AGBL4: variants seen among roughly 807,000 people sequenced by gnomAD.
The protein encoded by AGBL4 is AGBL carboxypeptidase 4, also known as cytosolic carboxypeptidase 6.
Under a neutral mutation model 66.4 loss-of-function variants are expected in AGBL4, and 58 were observed. The ratio of observed to expected loss-of-function variants is 0.87; its 90% CI spans 0.71 to 1.09. The LOEUF is 1.09. Among genes scored for constraint, AGBL4 ranks in the 50% least tolerant of loss-of-function variants. The pLI is 0.00. For synonymous variants in AGBL4, 234 were observed against 222.9 expected, an observed-to-expected ratio of 1.05 and a Z score of -0.44; for missense variants, 579 against 631.0, an observed-to-expected ratio of 0.92 and a Z score of 0.88.
intron 3 of AGBL4, among the ~76,000 whole-genome samples, chr1:49,329,260 T>G (rs1357959353): frequency 6.6e-6 from 1 of 151,966 alleles, no homozygotes; most frequent in Admixed American, 6.6e-5. Flanking sequence ...TGAGCCAAGA[T>G]CGCACCATTG....
At chr1:49,012,925 C>A (rs529333452) in intron 5 of AGBL4, among the ~76,000 whole-genome samples, 8 of 152,312 alleles carry the variant, frequency 5.3e-5, no homozygotes, top group Admixed American at 5.2e-4. Context: ...AATAAGTCAT[C>A]ATGTGAGTGA....
chr1:49,884,068 T>C (rs1176522243), intron 1 of AGBL4, among the ~76,000 whole-genome samples: 2 of 151,984 alleles, frequency 1.3e-5, no homozygotes, highest in Non-Finnish European at 2.9e-5. Context: ...TGCATTTTAA[T>C]ATTCAACCAC....
chr1:48,746,991 G>T (rs1285761960), intron 6 of AGBL4, among the ~76,000 whole-genome samples: 1 of 152,182 alleles, frequency 6.6e-6, no homozygotes, highest in African/African-American at 2.4e-5. Context: ...ATTTAAGAGG[G>T]GAGAAAATCA....
chr1:49,506,697 A>T (rs1263589577), intron 3 of AGBL4, among the ~76,000 whole-genome samples: 1 of 152,024 alleles, frequency 6.6e-6, no homozygotes. Context: ...TACCTGTGTA[A>T]GAGTGGACTA....
intron 1 of AGBL4, among the ~76,000 whole-genome samples, chr1:49,862,248 G>T (rs762138451): frequency 6.6e-5 from 10 of 151,638 alleles, no homozygotes; most frequent in Non-Finnish European, 1.3e-4. Context: ...AAATGCAATT[G>T]GCATACTGAA....
At chr1:48,564,715 G>C (rs543971914) in intron 11 of AGBL4, among the ~76,000 whole-genome samples, 2 of 152,326 alleles carry the variant, frequency 1.3e-5, no homozygotes, top group East Asian at 3.9e-4. Context: ...GCAGTGACAA[G>C]TGAGACAGTA....
At chr1:49,935,891 A>C (rs1358097640) in intron 1 of AGBL4, among the ~76,000 whole-genome samples, 1 of 152,260 alleles carries the variant, frequency 6.6e-6, no homozygotes, top group East Asian at 1.9e-4. Flanking sequence ...TGGGGAAAAA[A>C]CAGAGCAGAA....
chr1:48,568,291 TTC>T (rs151060894), intron 11 of AGBL4, among the ~76,000 whole-genome samples: 315 of 146,952 alleles, frequency 2.1e-3, no homozygotes, highest in African/African-American at 4.2e-3. Flanking sequence ...AACAACACTC[TTC>T]TCTCTCTCTC....
At chr1:48,876,155 C>G (rs1649199499) in intron 5 of AGBL4, among the ~76,000 whole-genome samples, 1 of 152,174 alleles carries the variant, frequency 6.6e-6, no homozygotes. Context: ...ATGCTATTCT[C>G]ATTACATTCT....
intron 5 of AGBL4, among the ~76,000 whole-genome samples, chr1:48,929,549 C>T (rs1654866429): frequency 6.6e-6 from 1 of 152,202 alleles, no homozygotes; most frequent in African/African-American, 2.4e-5. Context: ...TAAAACTTTT[C>T]ACTCATGGCA....
At chr1:48,650,576 G>A (rs539434406) in intron 8 of AGBL4, among the ~76,000 whole-genome samples, 9 of 151,376 alleles carry the variant, frequency 5.9e-5, no homozygotes, top group Admixed American at 3.3e-4. Flanking sequence ...AGATTTAGTA[G>A]ATTTTTATTA....
chr1:49,178,720 C>T (rs543412978), intron 4 of AGBL4, among the ~76,000 whole-genome samples: 1 of 152,282 alleles, frequency 6.6e-6, no homozygotes, highest in South Asian at 2.1e-4. Flanking sequence ...ACACTAGTAA[C>T]TAGGACAGTT....
At chr1:49,945,036 A>G (rs921159570) in intron 1 of AGBL4, among the ~76,000 whole-genome samples, 4 of 152,098 alleles carry the variant, frequency 2.6e-5, no homozygotes, top group African/African-American at 9.7e-5. Flanking sequence ...ATAAGAAAAT[A>G]TGAACAAAGC....
chr1:49,752,936 T>C (rs1651591637), intron 2 of AGBL4, among the ~76,000 whole-genome samples: 1 of 152,212 alleles, frequency 6.6e-6, no homozygotes, highest in Non-Finnish European at 1.5e-5. Context: ...TCTTCCCACA[T>C]CCCTTTATTT....
intron 6 of AGBL4, among the ~76,000 whole-genome samples, chr1:48,778,181 AACCAT>A (rs1645187749): frequency 1.3e-5 from 2 of 151,978 alleles, no homozygotes; most frequent in Non-Finnish European, 2.9e-5. Flanking sequence ...CCATCCATCC[AACCAT>A]CCATCCATCT....
chr1:49,839,612 T>C (rs1645938078), intron 2 of AGBL4, among the ~76,000 whole-genome samples: 1 of 152,182 alleles, frequency 6.6e-6, no homozygotes, highest in Non-Finnish European at 1.5e-5. Context: ...ATCAGATTAT[T>C]TGCATTTTAA....
chr1:49,395,323 G>A (rs774767477), intron 3 of AGBL4, among the ~76,000 whole-genome samples: 7 of 151,914 alleles, frequency 4.6e-5, no homozygotes, highest in Middle Eastern at 3.2e-3. Flanking sequence ...TGAAGAAAAA[G>A]GGCTTTTTTT....
At chr1:49,395,809 ATG>A (rs1307056795) in intron 3 of AGBL4, among the ~76,000 whole-genome samples, 3 of 127,334 alleles carry the variant, frequency 2.4e-5, no homozygotes, top group Admixed American at 8.8e-5. Context: ...ACATATATAT[ATG>A]TATACATATA....
chr1:49,863,382 C>T (rs912636028), intron 1 of AGBL4, among the ~76,000 whole-genome samples: 1 of 152,208 alleles, frequency 6.6e-6, no homozygotes, highest in African/African-American at 2.4e-5. Flanking sequence ...CCAAAGATTT[C>T]TTCAGCAATG....
Sources: allele counts gnomAD v4.1 joint callset (sites outside exome capture counted in the v4.1 genomes callset), GRCh38; gene constraint gnomAD v4.1.1; transcripts MANE v1.5; gene names NCBI Gene and HGNC (gene_info 2026-07-23, HGNC 2026-07-21).